PAM: variants seen among roughly 807,000 people sequenced by gnomAD.
PAM encodes the protein peptidyl-glycine alpha-amidating monooxygenase.
A neutral mutation model predicts 122.1 loss-of-function variants in PAM; 72 were observed. The ratio of observed to expected loss-of-function variants is 0.59; its 90% CI spans 0.49 to 0.72. The LOEUF is 0.72. Ranked by LOEUF, PAM falls within the 30% of genes least tolerant of loss-of-function variation. The pLI is 0.00. For missense variants in PAM, 1,106 were observed against 1,183.7 expected, an observed-to-expected ratio of 0.93 and a Z score of 0.96; for synonymous variants, 389 against 404.4, an observed-to-expected ratio of 0.96 and a Z score of 0.46.
chr5:102,809,352 C>CAAAAAAAAAAAAA (rs11302898), intron 1 of PAM, among the ~76,000 whole-genome samples: 1 of 126,244 alleles, frequency 7.9e-6, no homozygotes, highest in Non-Finnish European at 1.7e-5. Context: ...CTGTCTCTAC[C>CAAAAAAAAAAAAA]AAAAAAAAAA....
chr5:102,873,138 G>C (rs1328582912), intron 3 of PAM, among the ~76,000 whole-genome samples: 1 of 151,772 alleles, frequency 6.6e-6, no homozygotes, highest in East Asian at 1.9e-4. Flanking sequence ...TAAGTTTTTA[G>C]TACTTTAGGG....
rs765085875 is a variant in PAM at position 103,003,065 on chromosome 5, T to C, written c.1646T>C (p.Ile549Thr). ...SFDSKFVYQQ[I>T]GLGPIEEDTI... ...GACAGCAAGTTTGTTTACCAGCAAA[T>C]AGGACTCGGACCAATTGAAGAAGAC... The change falls in exon 17 of 26, where the codon ATA becomes ACA. Residue 549 changes from isoleucine to threonine, a missense_variant. By Grantham distance (89) the Ile-to-Thr change is moderately conservative (BLOSUM62 -1). Transcript: ENST00000438793. The C allele has an allele frequency of 5.6e-6, 9 of 1,604,214 alleles. No homozygotes were observed. In the Middle Eastern group the frequency reaches 4.9e-4, roughly 88 times the overall value.
At chr5:102,877,120 C>G (rs1789478615) in intron 3 of PAM, among the ~76,000 whole-genome samples, 1 of 152,208 alleles carries the variant, frequency 6.6e-6, no homozygotes, top group South Asian at 2.1e-4. Context: ...GATACTTAAA[C>G]TATAACTTTA....
intron 14 of PAM, among the ~76,000 whole-genome samples, chr5:102,973,437 A>G (rs1407159983): frequency 6.6e-6 from 1 of 152,182 alleles, no homozygotes; most frequent in Admixed American, 6.6e-5. Context: ...CATTTTAGTG[A>G]TGAATCACCC....
intron 14 of PAM, among the ~76,000 whole-genome samples, chr5:102,967,173 T>C (rs542653215): frequency 2.0e-5 from 3 of 152,280 alleles, no homozygotes; most frequent in African/African-American, 7.2e-5. Flanking sequence ...AAAATGTCCA[T>C]TGATCCACAA....
chr5:102,904,026 A>G (rs1798798656), intron 4 of PAM, among the ~76,000 whole-genome samples: 1 of 151,570 alleles, frequency 6.6e-6, no homozygotes, highest in Non-Finnish European at 1.5e-5. Context: ...GGGCTTGGAT[A>G]GTTATATGTT....
chr5:103,009,858 G>T lies in PAM; in HGVS notation c.2323G>T (p.Val775Leu), dbSNP rs1245825751. The T allele has an allele frequency of 1.3e-6, 2 of 1,560,226 alleles. No individual in the cohort carries two copies. Among genetic ancestry groups the T allele is most frequent in the Non-Finnish European group, 1.8e-6 (2 of 1,134,082 alleles). Reference protein sequence around the residue: ...NGEIIDIFKPVRKHFDMPHDI... With the variant: ...NGEIIDIFKPLRKHFDMPHDI... ...GGAAATTATAGACATCTTCAAGCCA[G>T]TGCGCAAGGTATTTACACACATTGT... The change falls in exon 21 of 26, where the codon GTG (valine) becomes TTG (leucine). Residue 775 changes from valine (V) to leucine (L), a missense_variant. Physicochemically the swap from Val to Leu is conservative, Grantham distance 32 (BLOSUM62 1). Transcript: ENST00000438793.
chr5:102,852,762 C>T (rs1468634892), intron 1 of PAM, among the ~76,000 whole-genome samples: 1 of 151,866 alleles, frequency 6.6e-6, no homozygotes, highest in Admixed American at 6.6e-5. Flanking sequence ...TTACATAAGC[C>T]CTTTATTTAG....
At chr5:102,949,317 C>T (rs1031018314) in intron 9 of PAM, among the ~76,000 whole-genome samples, 1 of 152,012 alleles carries the variant, frequency 6.6e-6, no homozygotes, top group Non-Finnish European at 1.5e-5. Flanking sequence ...TGGTTCTAGT[C>T]ATTCTGTTTA....
chr5:102,790,326 T>C (rs987207549), intron 1 of PAM, among the ~76,000 whole-genome samples: 5 of 152,208 alleles, frequency 3.3e-5, no homozygotes, highest in African/African-American at 1.2e-4. Flanking sequence ...TATCTGAGGA[T>C]GGACAATTGG....
At position 102,862,989 on chromosome 5, in the gene PAM, C is replaced by CT. The variant is rs1386326059; in HGVS notation, c.-373-2822dup. Among the ~76,000 whole-genome samples, 692 of 142,316 alleles carry CT rather than the reference C, an allele frequency of 4.9e-3. 7 individuals are homozygous for CT. Among genetic ancestry groups the CT allele is most frequent in the Middle Eastern group, 7.2e-3 (2 of 278 alleles). The allele number at this position is 142,316 out of a possible 152,430, so 93.4% of individuals were successfully genotyped here. On this transcript the variant is annotated intron_variant, in intron 1 of 25. Transcript: ENST00000438793. ...TTGACCAGTAACAAATGCCAGCTAT[C>CT]TTTTTTTTTTTTAAAAAAAAATGAA... is the stretch of plus-strand genomic sequence containing the variant.
chr5:102,758,073 GTTTTTTTTTTTTTTTTT>G (rs1168917285), intron 1 of PAM, among the ~76,000 whole-genome samples: 42 of 24,826 alleles, frequency 1.7e-3, no homozygotes, highest in Non-Finnish European at 2.3e-3. Context: ...TTAGAATTTT[GTTTTTTTTTTTTTTTTT>G]TTTTTTTTTT....
chr5:102,788,295 A>C (rs1312192768), intron 1 of PAM, among the ~76,000 whole-genome samples: 10 of 152,252 alleles, frequency 6.6e-5, no homozygotes, highest in African/African-American at 1.2e-4. Flanking sequence ...ATTACCCTTC[A>C]TATACTCCAT....
At chr5:102,986,201 C>T (rs56372231) in intron 15 of PAM, among the ~76,000 whole-genome samples, 49,543 of 151,874 alleles carry the variant, frequency 0.33, 8,267 homozygotes, top group East Asian at 0.43. Flanking sequence ...TTGACCATTC[C>T]TATTCCGCAT....
chr5:103,019,369 T>C (rs1782934166), intron 22 of PAM, among the ~76,000 whole-genome samples: 1 of 152,192 alleles, frequency 6.6e-6, no homozygotes, highest in Admixed American at 6.5e-5. Context: ...AGACTGCCAC[T>C]GAACACTAAA....
At chr5:102,806,576 T>G (rs1372388714) in intron 1 of PAM, among the ~76,000 whole-genome samples, 1 of 152,206 alleles carries the variant, frequency 6.6e-6, no homozygotes, top group African/African-American at 2.4e-5. Context: ...ATGTGTGATA[T>G]ATACATATAT....
chr5:102,780,036 T>G (rs1758300405), intron 1 of PAM, among the ~76,000 whole-genome samples: 1 of 151,114 alleles, frequency 6.6e-6, no homozygotes, highest in African/African-American at 2.4e-5. Context: ...AACAAATAAT[T>G]TATAAGTTTT....
chr5:102,783,713 T>C (rs1228872901), intron 1 of PAM, among the ~76,000 whole-genome samples: 2 of 152,174 alleles, frequency 1.3e-5, no homozygotes, highest in African/African-American at 4.8e-5. Flanking sequence ...TCCCTTGGGA[T>C]GTGCATGCAG....
At chr5:102,773,245 G>A (rs1358185289) in intron 1 of PAM, among the ~76,000 whole-genome samples, 2 of 152,084 alleles carry the variant, frequency 1.3e-5, no homozygotes, top group Admixed American at 6.6e-5. Context: ...TAAGTATGAA[G>A]ATATATAGTT....
Sources: gnomAD v4.1 joint callset for allele counts (sites outside exome capture counted in the v4.1 genomes callset) on GRCh38, gnomAD v4.1.1 for gene constraint, MANE v1.5 for transcripts, NCBI Gene and HGNC (gene_info 2026-07-23, HGNC 2026-07-21) for gene names.